Variants in MAP3K13 observed in about 807,000 individuals in gnomAD.
MAP3K13 encodes the protein leucine zipper-bearing kinase.
Under a neutral mutation model 104.0 loss-of-function variants are expected in MAP3K13, and 52 were observed. The ratio of observed to expected loss-of-function variants is 0.50; its 90% CI spans 0.40 to 0.63. The LOEUF (loss-of-function observed/expected upper bound fraction) is 0.63. Among genes scored for constraint, MAP3K13 ranks in the 20% least tolerant of loss-of-function variants. The pLI, the probability that MAP3K13 is intolerant of heterozygous loss-of-function variation, is 0.00. For missense variants in MAP3K13, 914 were observed against 1,218.5 expected, an observed-to-expected ratio of 0.75 and a Z score of 3.72; for synonymous variants, 394 against 442.2, an observed-to-expected ratio of 0.89 and a Z score of 1.37.
intron 1 of MAP3K13, among the ~76,000 whole-genome samples, chr3:185,421,169 T>C (rs1310144467): frequency 6.6e-5 from 10 of 151,538 alleles, no homozygotes; most frequent in African/African-American, 2.4e-4. Flanking sequence ...CTTTTCTTTT[T>C]TTGTTTTGTT....
intron 2 of MAP3K13, among the ~76,000 whole-genome samples, chr3:185,434,191 C>CATTTGTATCAAAGAATAT (rs1466286873): frequency 6.6e-6 from 1 of 152,068 alleles, no homozygotes; most frequent in African/African-American, 2.4e-5. Flanking sequence ...AAAATATTCT[C>CATTTGTATCAAAGAATAT]ATTTGTATCA....
intron 4 of MAP3K13, among the ~76,000 whole-genome samples, chr3:185,445,705 A>C (rs1196553741): frequency 1.3e-5 from 2 of 152,190 alleles, no homozygotes; most frequent in South Asian, 2.1e-4. Context: ...GAAGACAGAG[A>C]TCAATCTGAC....
intron 2 of MAP3K13, among the ~76,000 whole-genome samples, chr3:185,433,195 T>G (rs185390374): frequency 6.6e-6 from 1 of 152,238 alleles, no homozygotes; most frequent in Non-Finnish European, 1.5e-5. Flanking sequence ...AGTACTGTCA[T>G]GGCCATGTCT....
At chr3:185,438,479 CT>C (rs1715164599) in intron 3 of MAP3K13, among the ~76,000 whole-genome samples, 1 of 152,158 alleles carries the variant, frequency 6.6e-6, no homozygotes, top group Admixed American at 6.6e-5. Flanking sequence ...TTTCCTAGAT[CT>C]CCTTCCAAGC....
chr3:185,414,828 G>C (rs1363381312), intron 1 of MAP3K13, among the ~76,000 whole-genome samples: 1 of 152,054 alleles, frequency 6.6e-6, no homozygotes, highest in Non-Finnish European at 1.5e-5. Context: ...TCCAAATACT[G>C]ACAATGAATT....
Position 185,447,908 on chromosome 3 carries a change from T to A in MAP3K13, c.971T>A (p.Val324Glu). The A allele has an allele frequency of 6.2e-7, 1 of 1,613,104 alleles. No individual in the cohort carries two copies. The highest frequency in any genetic ancestry group is 1.1e-5 in the South Asian group (1 of 90,812). Residue 324 changes from valine to glutamate, a missense_variant, in exon 5 of 14, where the codon GTG becomes GAG. Around this residue, in one of 3 missense-constraint regions of MAP3K13, gnomAD observed 175 missense variants for 321.3 expected, o/e 0.54. Coordinates refer to ENST00000265026, the MANE Select transcript of MAP3K13 (RefSeq NM_004721.5). ...AGTVAWMAPE[V>E]IRNEPVSEKV... ...ACGGTCGCATGGATGGCGCCAGAGG[T>A]GATACGGAATGAACCTGTCTCTGAA...
chr3:185,458,586 C>T (rs1440376013), intron 7 of MAP3K13, among the ~76,000 whole-genome samples: 1 of 152,154 alleles, frequency 6.6e-6, no homozygotes, highest in Non-Finnish European at 1.5e-5. Context: ...TTGTGTTTGA[C>T]TTTATCCTGC....
At chr3:185,325,161 G>A (rs1722004656) in intron 2 of MAP3K13, among the ~76,000 whole-genome samples, 1 of 152,180 alleles carries the variant, frequency 6.6e-6, no homozygotes, top group African/African-American at 2.4e-5. Context: ...TATGACAGAG[G>A]ACAGCCAGCA....
intron 2 of MAP3K13, among the ~76,000 whole-genome samples, chr3:185,308,090 T>C (rs1000192941): frequency 4.6e-5 from 7 of 151,342 alleles, no homozygotes; most frequent in Non-Finnish European, 8.8e-5. Context: ...TGATTATTTT[T>C]TGCTGGGATT....
At chr3:185,477,804 G>A (rs903111520) in intron 12 of MAP3K13, among the ~76,000 whole-genome samples, 1 of 152,162 alleles carries the variant, frequency 6.6e-6, no homozygotes, top group Admixed American at 6.5e-5. Flanking sequence ...TTCTGGAGCT[G>A]GGGAAGTTCA....
upstream of MAP3K13, among the ~76,000 whole-genome samples, chr3:185,361,943 A>C (rs150186793): frequency 1.3e-5 from 2 of 152,314 alleles, no homozygotes; most frequent in Non-Finnish European, 2.9e-5. Flanking sequence ...TATCCTGAAA[A>C]GTTTTCCTTT....
chr3:185,434,298 T>A (rs1314332668), intron 2 of MAP3K13, among the ~76,000 whole-genome samples: 1 of 152,208 alleles, frequency 6.6e-6, no homozygotes, highest in East Asian at 1.9e-4. Context: ...CAAAGCAGAT[T>A]ATGAATATTA....
chr3:185,472,178 G>A (rs1267361391), intron 10 of MAP3K13, among the ~76,000 whole-genome samples: 2 of 148,130 alleles, frequency 1.4e-5, no homozygotes, highest in South Asian at 2.2e-4. Flanking sequence ...TGTGGGCTTC[G>A]TCTTCAACAT....
At chr3:185,305,596 G>A (rs954727877) in intron 2 of MAP3K13, among the ~76,000 whole-genome samples, 13 of 151,934 alleles carry the variant, frequency 8.6e-5, no homozygotes, top group Non-Finnish European at 8.8e-5. Flanking sequence ...AGAGCTTTAC[G>A]TGTTTATATG....
intron 1 of MAP3K13, among the ~76,000 whole-genome samples, chr3:185,394,362 G>A (rs1712252508): frequency 6.6e-6 from 1 of 151,916 alleles, no homozygotes; most frequent in Non-Finnish European, 1.5e-5. Context: ...GAATGATGTT[G>A]ATTAAGAAGG....
intron 8 of MAP3K13, among the ~76,000 whole-genome samples, chr3:185,464,185 G>A (rs1241549980): frequency 6.6e-6 from 1 of 152,190 alleles, no homozygotes; most frequent in Non-Finnish European, 1.5e-5. Flanking sequence ...CTATGCAGGA[G>A]ACAGAGGCAT....
intron 1 of MAP3K13, among the ~76,000 whole-genome samples, chr3:185,378,758 G>A (rs755061138): frequency 1.3e-5 from 2 of 152,142 alleles, no homozygotes; most frequent in African/African-American, 2.4e-5. Flanking sequence ...GGGAGGGACC[G>A]ACGTGTAAAA....
chr3:185,444,881 G>A (rs1411261905), intron 4 of MAP3K13, among the ~76,000 whole-genome samples: 1 of 151,988 alleles, frequency 6.6e-6, no homozygotes, highest in Non-Finnish European at 1.5e-5. Context: ...TACTCAGGAG[G>A]CTGAGGTGGG....
At chr3:185,454,687 T>TATATATGAGATATATATATC (rs1163787975) in intron 7 of MAP3K13, among the ~76,000 whole-genome samples, 1 of 61,756 alleles carries the variant, frequency 1.6e-5, no homozygotes, top group African/African-American at 5.0e-5. Context: ...TTATATGATA[T>TATATATGAGATATATATATC]ATATATGAGA....
Sources: allele counts gnomAD v4.1 joint callset (sites outside exome capture counted in the v4.1 genomes callset), GRCh38; gene constraint gnomAD v4.1.1; regional missense constraint gnomAD v4.1.1; transcripts MANE v1.5; gene names NCBI Gene and HGNC (gene_info 2026-07-23, HGNC 2026-07-21).